Variants in FRMPD3 observed in about 807,000 individuals in gnomAD.
The protein encoded by FRMPD3 is FERM and PDZ domain containing 3.
In FRMPD3, 42 loss-of-function variants were observed where a neutral mutation model predicts 97.9. That is an observed-to-expected ratio of 0.43 (90% CI 0.34 to 0.55). The LOEUF (loss-of-function observed/expected upper bound fraction) is 0.55, where lower values mean the gene tolerates loss of function less well. Among genes scored for constraint, FRMPD3 ranks in the 20% least tolerant of loss-of-function variants. The probability of loss-of-function intolerance (pLI) is 0.03; values close to 1 mark genes in which losing one functional copy is unlikely to be tolerated. For missense variants in FRMPD3, 1,303 were observed against 1,457.7 expected, an observed-to-expected ratio of 0.89 and a Z score of 1.73; for synonymous variants, 577 against 581.1, an observed-to-expected ratio of 0.99 and a Z score of 0.10.
intron 13 of FRMPD3, among the ~76,000 whole-genome samples, chrX:107,582,829 A>G (rs191228557): frequency 9.0e-6 from 1 of 111,668 alleles, no homozygotes; most frequent in African/African-American, 3.3e-5. Flanking sequence ...CTTTTTCAAG[A>G]CTGTTTTGGT....
At chrX:107,526,415 T>A (rs1569415864) in intron 1 of FRMPD3, among the ~76,000 whole-genome samples, 167 bp from the exon 2 acceptor site, 1 of 111,446 alleles carries the variant, frequency 9.0e-6, no homozygotes, top group Non-Finnish European at 1.9e-5. Flanking sequence ...TTCTCCAATC[T>A]GAAATATGAG....
At chrX:107,529,112 G>C (rs1410047201) in intron 2 of FRMPD3, among the ~76,000 whole-genome samples, 1 of 112,235 alleles carries the variant, frequency 8.9e-6, no homozygotes, top group African/African-American at 3.2e-5. Flanking sequence ...TTTCAAATTT[G>C]AGTCAGGCTG....
intron 1 of FRMPD3, among the ~76,000 whole-genome samples, chrX:107,504,082 G>A (rs907939662): frequency 8.9e-6 from 1 of 112,480 alleles, no homozygotes; most frequent in Non-Finnish European, 1.9e-5. Flanking sequence ...GAACAGCCTG[G>A]ATGAGATGGA....
At chrX:107,572,271 A>T (rs1922920886) in intron 12 of FRMPD3, among the ~76,000 whole-genome samples, 1 of 111,642 alleles carries the variant, frequency 9.0e-6, no homozygotes, top group Admixed American at 9.5e-5. Context: ...GTGAAGGAAC[A>T]TGAGGAACTG....
chrX:107,510,088 T>G (rs748130223), intron 1 of FRMPD3, among the ~76,000 whole-genome samples: 1 of 111,484 alleles, frequency 9.0e-6, no homozygotes, highest in Non-Finnish European at 1.9e-5. Context: ...CTGTGGATTT[T>G]AATTATTGAA....
chrX:107,543,490 G>T (rs1921414881), intron 4 of FRMPD3, among the ~76,000 whole-genome samples: 1 of 111,006 alleles, frequency 9.0e-6, no homozygotes, highest in South Asian at 3.9e-4. Flanking sequence ...CTCATCCTCA[G>T]AGAGGTCTTC....
chrX:107,523,381 C>T (rs1420636138), intron 1 of FRMPD3, among the ~76,000 whole-genome samples: 1 of 111,584 alleles, frequency 9.0e-6, no homozygotes, highest in African/African-American at 3.3e-5. Flanking sequence ...GATATGCCTG[C>T]ACCTATGAAC....
chrX:107,478,950 G>A (rs756331990), intron 1 of FRMPD3, among the ~76,000 whole-genome samples: 1 of 111,513 alleles, frequency 9.0e-6, no homozygotes, highest in South Asian at 3.8e-4. Context: ...CACCCCACTA[G>A]GTTCTTTGGC....
At position 107,602,644 on chromosome X, in the gene FRMPD3, G is replaced by A. The variant is rs1389853801; in HGVS notation, c.4605G>A (p.Val1535=). 1 of 1,209,796 alleles carries A rather than the reference G, an allele frequency of 8.3e-7. No homozygotes were observed. The highest frequency in any genetic ancestry group is 2.2e-5 in the Admixed American group (1 of 46,042). ...GCATGAAGCTGGACGAGCAGGTGGT[G>A]CCTGTGGTGAGCAGGACCCTGCAGG... ...LPGMKLDEQV[V]PVVSRTLQVL... is the part of the protein sequence containing the mutation. Residue 1535 remains valine, a synonymous_variant, in exon 15 of 15, where the codon GTG becomes GTA. Coordinates refer to ENST00000683843, the MANE Select transcript of FRMPD3 (RefSeq NM_001388459.1).
chrX:107,465,777 A>G (rs1931549561), intron 1 of FRMPD3, among the ~76,000 whole-genome samples: 1 of 111,177 alleles, frequency 9.0e-6, no homozygotes, highest in African/African-American at 3.3e-5. Context: ...TCACTGTTTA[A>G]AGTTTAAATA....
In FRMPD3 at chrX:107,604,275, G is replaced by A. The variant is rs1268308330; in HGVS notation, c.*902G>A. 2.4e-5 allele frequency: 2 copies of A among 83,528 alleles called. No homozygotes were observed. Among genetic ancestry groups the A allele is most frequent in the Admixed American group, 1.3e-4 (1 of 7,704 alleles). The allele number at this position is 83,528 out of a possible 1,213,427, so 6.9% of individuals were successfully genotyped here. On this transcript the variant is annotated 3_prime_UTR_variant, in exon 15 of 15. Transcript: ENST00000683843. ...TGGGAGTTTGACTTAGCTGTGGATC[G>A]GGGAGGGGGGTGGGGGGAGGGGGGA...
At chrX:107,470,478 C>T (rs1344407170) in intron 1 of FRMPD3, among the ~76,000 whole-genome samples, 1 of 112,495 alleles carries the variant, frequency 8.9e-6, no homozygotes, top group African/African-American at 3.2e-5. Context: ...CTCCTCACAA[C>T]ACAGCAGCTT....
chrX:107,584,798 T>G (rs1484324148), intron 13 of FRMPD3, among the ~76,000 whole-genome samples: 1 of 111,779 alleles, frequency 8.9e-6, no homozygotes, highest in Non-Finnish European at 1.9e-5. Flanking sequence ...GTTCCACTTG[T>G]CTATATGTCT....
chrX:107,543,977 T>C (rs1302556172), intron 4 of FRMPD3, among the ~76,000 whole-genome samples: 1 of 111,435 alleles, frequency 9.0e-6, no homozygotes, highest in Non-Finnish European at 1.9e-5. Context: ...CCTAAGTGTC[T>C]GCCATCAACA....
chrX:107,572,769 T>G (rs775772341), intron 12 of FRMPD3, among the ~76,000 whole-genome samples: 10 of 108,982 alleles, frequency 9.2e-5, no homozygotes, highest in African/African-American at 3.3e-4. Flanking sequence ...TCAGGGTCAT[T>G]CAGGGTGTCT....
intron 4 of FRMPD3, among the ~76,000 whole-genome samples, chrX:107,534,251 T>C (rs1030298251): frequency 8.9e-6 from 1 of 112,045 alleles, no homozygotes; most frequent in African/African-American, 3.2e-5. Flanking sequence ...TGTACCCTTA[T>C]AGCAATCTTA....
In FRMPD3 at chrX:107,449,952, CGGA is replaced by C. The variant is rs995387705; in HGVS notation, c.-39_-37del. Among the ~76,000 whole-genome samples the C allele has an allele frequency of 4.2e-4, 46 of 108,746 alleles. No homozygotes were observed. Among genetic ancestry groups the C allele is most frequent in the Admixed American group, 6.7e-4 (7 of 10,514 alleles). 94.4% of individuals were successfully genotyped at this position (108,746 alleles called of 115,157 possible). A position where few individuals can be genotyped will look rare whatever the true frequency, so the allele number is the denominator to read the frequency against. ...CGCCGCTGCCGCGCCGCTGAGGAGG[CGGA>C]GGAGGAGGAGGAGGAGGAGGAAGAG... On this transcript the variant is annotated 5_prime_UTR_variant, in exon 1 of 15. Transcript: ENST00000683843.
chrX:107,524,899 G>A (rs969263663), intron 1 of FRMPD3, among the ~76,000 whole-genome samples: 1 of 106,596 alleles, frequency 9.4e-6, no homozygotes, highest in Non-Finnish European at 1.9e-5. Context: ...TGGAGCCTGA[G>A]GCAGGAGAAT....
At chrX:107,482,185 TC>T (rs956937627) in intron 1 of FRMPD3, among the ~76,000 whole-genome samples, 1 of 110,590 alleles carries the variant, frequency 9.0e-6, no homozygotes, top group African/African-American at 3.3e-5. Flanking sequence ...TTTCCCCTCC[TC>T]CCCCCGGTCT....
Sources: gnomAD v4.1 joint callset for allele counts (sites outside exome capture counted in the v4.1 genomes callset) on GRCh38, gnomAD v4.1.1 for gene constraint, MANE v1.5 for transcripts, NCBI Gene and HGNC (gene_info 2026-07-23, HGNC 2026-07-21) for gene names.